Variants in RPTOR observed in about 807,000 individuals in gnomAD.
RPTOR encodes the protein regulatory-associated protein of mTOR.
Under a neutral mutation model 169.9 loss-of-function variants are expected in RPTOR, and 21 were observed. That is an observed-to-expected ratio of 0.12 (90% CI 0.09 to 0.18). RPTOR has a LOEUF of 0.18. Ranked by LOEUF, RPTOR falls within the 10% of genes least tolerant of loss-of-function variation. The probability of loss-of-function intolerance (pLI) is 1.00; values close to 1 mark genes in which losing one functional copy is unlikely to be tolerated. For synonymous variants in RPTOR, 732 were observed against 753.2 expected (o/e 0.97, Z 0.46); for missense variants, 1,133 against 1,855.9 (o/e 0.61, Z 7.16).
In RPTOR at chr17:80,958,405, C is replaced by CTTTTTTTTTTT. The variant is rs34955105; in HGVS notation, c.3477+688_3477+698dup. 7.2e-5 allele frequency among the ~76,000 whole-genome samples: 6 copies of CTTTTTTTTTTT among 83,652 alleles called. 2 individuals are homozygous for CTTTTTTTTTTT. The highest frequency in any genetic ancestry group is 2.6e-4 in the African/African-American group (5 of 18,942). The allele number at this position is 83,652 out of a possible 152,430, so 54.9% of individuals were successfully genotyped here. On this transcript the variant is annotated intron_variant, in intron 29 of 33. Coordinates refer to ENST00000306801, the MANE Select transcript of RPTOR (RefSeq NM_020761.3). ...TACAGAAGACAGAAGATTTTTGTTT[C>CTTTTTTTTTTT]TTTTTTTTTTTTTTTTTTTTTTTGA...
intron 26 of RPTOR, among the ~76,000 whole-genome samples, chr17:80,946,984 CTT>C (rs1568004169): frequency 6.6e-6 from 1 of 152,162 alleles, no homozygotes; most frequent in Non-Finnish European, 1.5e-5. Context: ...ATTATTCTCT[CTT>C]TGTTTGTTTG....
intron 13 of RPTOR, among the ~76,000 whole-genome samples, chr17:80,859,052 C>G (rs554702955): frequency 4.6e-5 from 7 of 152,222 alleles, no homozygotes; most frequent in Admixed American, 4.6e-4. Flanking sequence ...GAGGGCGGCA[C>G]CAAGCCTGGG....
At position 80,724,134 on chromosome 17, in the gene RPTOR, T is replaced by C. The variant is rs564682110; in HGVS notation, c.508-6426T>C. Among the ~76,000 whole-genome samples the C allele has an allele frequency of 2.0e-5, 3 of 151,448 alleles. No homozygotes were observed. In the East Asian group the frequency reaches 5.8e-4, roughly 29 times the overall value. On this transcript the variant is annotated intron_variant, in intron 4 of 33. Coordinates refer to ENST00000306801, the MANE Select transcript of RPTOR (RefSeq NM_020761.3). Reference sequence around the variant, plus strand: ...TCAGGACAGAGATACAGCATTTGACTTGGCAAGCCCAAGCACTCTTCTCTG... The same window carrying C: ...TCAGGACAGAGATACAGCATTTGACCTGGCAAGCCCAAGCACTCTTCTCTG...
At chr17:80,921,202 C>T (rs796688452) in intron 21 of RPTOR, among the ~76,000 whole-genome samples, 9 of 152,370 alleles carry the variant, frequency 5.9e-5, no homozygotes, top group African/African-American at 1.9e-4. Context: ...GCAGGCTCCA[C>T]GCGGATGCGG....
chr17:80,931,050 T>C (rs2068891296), intron 24 of RPTOR, among the ~76,000 whole-genome samples: 1 of 152,210 alleles, frequency 6.6e-6, no homozygotes, highest in African/African-American at 2.4e-5. Context: ...TTAGAGAGTT[T>C]CATCCTGGTT....
intron 1 of RPTOR, among the ~76,000 whole-genome samples, chr17:80,597,320 G>C (rs1364045039): frequency 6.6e-6 from 1 of 152,128 alleles, no homozygotes; most frequent in African/African-American, 2.4e-5. Flanking sequence ...AGAGGAAACC[G>C]AGCATGGCTT....
At chr17:80,921,406 C>A (rs1011273065) in intron 21 of RPTOR, among the ~76,000 whole-genome samples, 1 of 152,168 alleles carries the variant, frequency 6.6e-6, no homozygotes, top group East Asian at 1.9e-4. Flanking sequence ...CAGAACCCAG[C>A]GGGACCCGCA....
intron 17 of RPTOR, among the ~76,000 whole-genome samples, chr17:80,891,089 C>T (rs2068317030): frequency 6.6e-6 from 1 of 152,212 alleles, no homozygotes. Context: ...CTAGGATCTC[C>T]AGCTGTTCCT....
At chr17:80,546,498 C>A (rs748038044) in intron 1 of RPTOR, among the ~76,000 whole-genome samples, 15 of 144,236 alleles carry the variant, frequency 1.0e-4, no homozygotes, top group African/African-American at 3.8e-4. Context: ...AGAAAACAGC[C>A]GAATTTTGTT....
At chr17:80,924,397 G>T (rs189996882) in intron 23 of RPTOR, among the ~76,000 whole-genome samples, 14 of 152,112 alleles carry the variant, frequency 9.2e-5, no homozygotes, top group Non-Finnish European at 1.8e-4. Flanking sequence ...TCCGGGGCTC[G>T]CTTGGTAATC....
chr17:80,767,571 C>T (rs1325860774), intron 6 of RPTOR, among the ~76,000 whole-genome samples: 2 of 152,146 alleles, frequency 1.3e-5, no homozygotes, highest in Non-Finnish European at 2.9e-5. Context: ...TGGTTAACAA[C>T]CATTCAAAGA....
chr17:80,777,887 T>C (rs906451872), intron 6 of RPTOR, among the ~76,000 whole-genome samples: 8 of 152,180 alleles, frequency 5.3e-5, no homozygotes, highest in African/African-American at 1.9e-4. Context: ...TGGAGTGACT[T>C]TGGAACTGTA....
In RPTOR at chr17:80,545,238, GT is replaced by G; in HGVS notation, c.-391del. ...AACCGGCACCAAGAGCGGCCTGCCT[GT>G]CTTCGGAACTGCTGAGGCGGTGGAG... On this transcript the variant is annotated 5_prime_UTR_variant, in exon 1 of 34. Coordinates refer to ENST00000306801, the MANE Select transcript of RPTOR (RefSeq NM_020761.3). 1 of 238,208 alleles carries G rather than the reference GT, an allele frequency of 4.2e-6. No individual in the cohort carries two copies. The highest frequency in any genetic ancestry group is 8.2e-6 in the Non-Finnish European group (1 of 121,272). 14.8% of individuals were successfully genotyped at this position (238,208 alleles called of 1,614,324 possible).
chr17:80,893,541 T>TGCCAGGGTGTGTGCGC (rs2068360010), intron 19 of RPTOR, among the ~76,000 whole-genome samples, 166 bp from the exon 20 acceptor site: 1 of 148,152 alleles, frequency 6.7e-6, no homozygotes, highest in Non-Finnish European at 1.5e-5. Context: ...TGTGTGTACA[T>TGCCAGGGTGTGTGCGC]GCCAGGGTGT....
chr17:80,663,677 TA>T (rs2065741722), intron 3 of RPTOR, among the ~76,000 whole-genome samples: 1 of 152,196 alleles, frequency 6.6e-6, no homozygotes, highest in African/African-American at 2.4e-5. Flanking sequence ...GAATTGCTTT[TA>T]CACATTACTG....
At chr17:80,567,681 A>G (rs1444361339) in intron 1 of RPTOR, among the ~76,000 whole-genome samples, 1 of 151,684 alleles carries the variant, frequency 6.6e-6, no homozygotes, top group African/African-American at 2.4e-5. Context: ...AATCCCAGCT[A>G]CTTGGAAGGC....
intron 3 of RPTOR, among the ~76,000 whole-genome samples, chr17:80,700,712 G>GGTGACGGTGATGGTAGAGATGA (rs2066087611): frequency 1.2e-3 from 5 of 4,198 alleles, no homozygotes; most frequent in Admixed American, 3.0e-3. Flanking sequence ...GGTGGTGATG[G>GGTGACGGTGATGGTAGAGATGA]TGGTGGTGGT....
intron 21 of RPTOR, among the ~76,000 whole-genome samples, chr17:80,917,193 A>C (rs369439564): frequency 1.3e-4 from 19 of 150,502 alleles, no homozygotes; most frequent in African/African-American, 4.6e-4. Context: ...GCTCACTGCA[A>C]CCTCCATCTC....
rs988763793 is a variant in RPTOR, at chr17:80,959,777, G to A, written c.3478-301G>A. On this transcript the variant is annotated intron_variant, in intron 29 of 33. Transcript: ENST00000306801. This position sits in a 1 kb window ranked among gnomAD's most constrained non-coding sequence, Gnocchi z 6.7. ...CAGAGGCGTTTGCAGGCCTCCGCTC[G>A]GGGTGGGGCTGGCCTCTGCCTCACT... is the stretch of plus-strand genomic sequence containing the variant. Among the ~76,000 whole-genome samples the A allele has an allele frequency of 3.3e-5, 5 of 152,202 alleles. No homozygotes were observed. The highest frequency in any genetic ancestry group is 3.2e-3 in the Middle Eastern group (1 of 316).
Sources: gnomAD v4.1 joint callset for allele counts (sites outside exome capture counted in the v4.1 genomes callset) on GRCh38, gnomAD v4.1.1 for gene constraint, Gnocchi (gnomAD v3.1) non-coding constraint, MANE v1.5 for transcripts, NCBI Gene and HGNC (gene_info 2026-07-23, HGNC 2026-07-21) for gene names.